Variants in KIF2C observed in about 807,000 individuals in gnomAD.
KIF2C encodes kinesin family member 2C.
In KIF2C, 34 loss-of-function variants were observed where a neutral mutation model predicts 97.4. That is an observed-to-expected ratio of 0.35 (90% CI 0.27 to 0.46). The LOEUF (loss-of-function observed/expected upper bound fraction) is 0.46, where lower values mean the gene tolerates loss of function less well. Among genes scored for constraint, KIF2C ranks in the 20% least tolerant of loss-of-function variants. KIF2C has a pLI of 1.00. For missense variants in KIF2C, 750 were observed against 907.6 expected, an observed-to-expected ratio of 0.83 and a Z score of 2.23; for synonymous variants, 313 against 318.2, an observed-to-expected ratio of 0.98 and a Z score of 0.17.
At chr1:44,755,614 T>C (rs1015245436) in intron 8 of KIF2C, among the ~76,000 whole-genome samples, 1 of 152,192 alleles carries the variant, frequency 6.6e-6, no homozygotes, top group African/African-American at 2.4e-5. Flanking sequence ...GAGGCCCACA[T>C]GGGGAGGGGT....
At chr1:44,764,146 C>T (rs919772622) in intron 19 of KIF2C, among the ~76,000 whole-genome samples, 1 of 152,036 alleles carries the variant, frequency 6.6e-6, no homozygotes, top group Non-Finnish European at 1.5e-5. Flanking sequence ...GAAAATCTTA[C>T]AAGGTACCCC....
chr1:44,743,516 C>T (rs1313773906), intron 2 of KIF2C, among the ~76,000 whole-genome samples: 1 of 152,160 alleles, frequency 6.6e-6, no homozygotes, highest in Non-Finnish European at 1.5e-5. Flanking sequence ...ATACATGTAG[C>T]TGGGCACAGT....
In KIF2C at chr1:44,740,895, T is replaced by C. The variant is rs1573546168; in HGVS notation, c.71-18T>C. 3.1e-6 allele frequency: 5 copies of C among 1,590,588 alleles called. No homozygotes were observed. The highest frequency in any genetic ancestry group is 4.5e-5 in the East Asian group (2 of 44,218). On this transcript the variant is annotated intron_variant, in intron 1 of 20. Coordinates refer to ENST00000372224, the MANE Select transcript of KIF2C (RefSeq NM_006845.4). ...TCAGGAAAGAGATGGGTAACTCTGGTTTTTTCATACTTTATAGGTTTAATT... is the reference window on the plus strand; with the variant it reads ...TCAGGAAAGAGATGGGTAACTCTGGCTTTTTCATACTTTATAGGTTTAATT...
At chr1:44,750,607 G>A (rs1226591732) in intron 5 of KIF2C, 43 bp downstream of exon 5, 1 of 1,453,532 alleles carries the variant, frequency 6.9e-7, no homozygotes, top group Non-Finnish European at 9.2e-7. Flanking sequence ...TTGAGGCCCT[G>A]GAGCACATTG....
chr1:44,742,581 T>G (rs955039413), intron 2 of KIF2C, among the ~76,000 whole-genome samples: 1 of 151,738 alleles, frequency 6.6e-6, no homozygotes, highest in Non-Finnish European at 1.5e-5. Flanking sequence ...TAGCTGGGTG[T>G]GGTGGCACGG....
intron 19 of KIF2C, among the ~76,000 whole-genome samples, chr1:44,765,354 A>G (rs1040780045): frequency 2.6e-5 from 4 of 152,216 alleles, no homozygotes; most frequent in African/African-American, 7.2e-5. Flanking sequence ...GATATACCCA[A>G]TGTAAATGAC....
chr1:44,755,798 G>A (rs1649797251), intron 8 of KIF2C, 131 bp from the exon 9 acceptor site: 2 of 736,856 alleles, frequency 2.7e-6, no homozygotes, highest in South Asian at 3.3e-5. Flanking sequence ...GGATGCAGGG[G>A]TCCTAGTGTT....
rs1650216564 is a variant in KIF2C, at chr1:44,762,516, A to C, written c.1858-29A>C. The C allele has an allele frequency of 1.9e-6, 3 of 1,611,166 alleles. No individual in the cohort carries two copies. The African/African-American group carries it at 4.0e-5, about 21-fold the overall frequency. On this transcript the variant is annotated intron_variant, in intron 18 of 20. Coordinates refer to ENST00000372224, the MANE Select transcript of KIF2C (RefSeq NM_006845.4). ...CCTGCTGAGGCGGCACCTGGGTCAC[A>C]TAATTGTCTTTCTTTTTGGCCCTCT... is the stretch of plus-strand genomic sequence containing the variant.
intron 4 of KIF2C, among the ~76,000 whole-genome samples, chr1:44,749,159 G>A (rs1180345437): frequency 2.0e-5 from 3 of 152,134 alleles, no homozygotes; most frequent in African/African-American, 7.2e-5. Flanking sequence ...CTGGCCGGGT[G>A]TGGTGGCTCA....
Position 44,759,295 on chromosome 1 carries a change from G to C in KIF2C, c.1314G>C (p.Leu438=). 6.2e-7 allele frequency: 1 copy of C among 1,614,192 alleles called. No homozygotes were observed. Among genetic ancestry groups the C allele is most frequent in the Non-Finnish European group, 8.5e-7 (1 of 1,180,050 alleles). ...AAGTGGTGGGGCTGCAGGAGCATCT[G>C]GTTAACTCTGCTGATGATGTCATCA... The part of the protein sequence containing the change: ...QVQVVGLQEH[L]VNSADDVIKM... Residue 438 remains leucine (L), a synonymous_variant, in exon 14 of 21, where the codon CTG becomes CTC. Transcript: ENST00000372224.
At chr1:44,753,632 A>C in intron 6 of KIF2C, 101 bp from the exon 7 acceptor site, 1 of 718,862 alleles carries the variant, frequency 1.4e-6, no homozygotes, top group East Asian at 2.7e-5. Flanking sequence ...CTCCCTGGGA[A>C]AGGCCCAGTA....
intron 10 of KIF2C, 78 bp from the exon 11 acceptor site, chr1:44,757,478 C>A: frequency 1.1e-6 from 1 of 928,068 alleles, no homozygotes; most frequent in South Asian, 1.3e-5. Flanking sequence ...CCCTAGAACT[C>A]TGCAGTGGAA....
At chr1:44,755,619 AGG>A (rs1278649967) in intron 8 of KIF2C, among the ~76,000 whole-genome samples, 2 of 152,186 alleles carry the variant, frequency 1.3e-5, no homozygotes, top group Non-Finnish European at 2.9e-5. Flanking sequence ...CCACATGGGG[AGG>A]GGTCTGATCT....
At position 44,764,660 on chromosome 1, in the gene KIF2C, C is replaced by A. The variant is rs1038854600; in HGVS notation, c.1971+2002C>A. Among the ~76,000 whole-genome samples the A allele has an allele frequency of 2.0e-5, 3 of 151,842 alleles. No individual in the cohort carries two copies. In the South Asian group the frequency reaches 6.2e-4, roughly 31 times the overall value. On this transcript the variant is annotated intron_variant, in intron 19 of 20. Coordinates refer to ENST00000372224, the MANE Select transcript of KIF2C (RefSeq NM_006845.4). Reference sequence around the variant, plus strand: ...AAGTAGCTGGGATTACAGGCATGTGCCACCACGCCCAGCTAATTTTGTATT... The same window carrying A: ...AAGTAGCTGGGATTACAGGCATGTGACACCACGCCCAGCTAATTTTGTATT...
At chr1:44,757,336 C>T (rs886900737) in intron 10 of KIF2C, among the ~76,000 whole-genome samples, 1 of 152,120 alleles carries the variant, frequency 6.6e-6, no homozygotes, top group African/African-American at 2.4e-5. Flanking sequence ...TCTGGTTAGT[C>T]GGCCCAGTGA....
Sources: allele counts gnomAD v4.1 joint callset (sites outside exome capture counted in the v4.1 genomes callset), GRCh38; gene constraint gnomAD v4.1.1; transcripts MANE v1.5; gene names NCBI Gene and HGNC (gene_info 2026-07-23, HGNC 2026-07-21).